Variants in PTPRN2 observed in about 807,000 individuals in gnomAD.
PTPRN2 encodes receptor-type tyrosine-protein phosphatase N2.
In PTPRN2, 74 loss-of-function variants were observed where a neutral mutation model predicts 118.8. The ratio of observed to expected loss-of-function variants is 0.62; its 90% CI spans 0.52 to 0.76. The LOEUF is 0.76. Among genes scored for constraint, PTPRN2 ranks in the 30% least tolerant of loss-of-function variants. The pLI is 0.00. For missense variants in PTPRN2, 1,481 were observed against 1,394.4 expected, an observed-to-expected ratio of 1.06 and a Z score of -0.99; for synonymous variants, 641 against 608.0, an observed-to-expected ratio of 1.05 and a Z score of -0.80.
intron 11 of PTPRN2, among the ~76,000 whole-genome samples, chr7:157,927,628 G>T (rs1585031171): frequency 6.6e-6 from 1 of 151,866 alleles, no homozygotes; most frequent in Admixed American, 6.6e-5. Context: ...CCGAAGACAG[G>T]AAGCCCCAGG....
intron 14 of PTPRN2, among the ~76,000 whole-genome samples, chr7:157,639,547 C>A (rs1804544803): frequency 1.3e-5 from 2 of 152,206 alleles, no homozygotes; most frequent in East Asian, 3.9e-4. Context: ...CAGCCTTTCA[C>A]AGAATTAAGG....
chr7:157,940,746 TGCAAATCTGACACCCTCCCCAC>T, intron 11 of PTPRN2, among the ~76,000 whole-genome samples: 1 of 63,790 alleles, frequency 1.6e-5, no homozygotes, highest in African/African-American at 1.1e-4. Context: ...CCCATGACAC[TGCAAATCTGACACCCTCCCCAC>T]CATGACACTG....
intron 12 of PTPRN2, among the ~76,000 whole-genome samples, chr7:157,714,067 C>T (rs750591786): frequency 2.1e-4 from 32 of 152,318 alleles, no homozygotes; most frequent in Non-Finnish European, 4.1e-4. Context: ...ACGAAGGCAT[C>T]GTCTTCTATA....
chr7:158,454,954 TG>T (rs1012589309), intron 2 of PTPRN2, among the ~76,000 whole-genome samples: 1 of 152,156 alleles, frequency 6.6e-6, no homozygotes, highest in African/African-American at 2.4e-5. Context: ...TTTGTCAGGC[TG>T]CCTCCACGCA....
At position 157,671,959 on chromosome 7, in the gene PTPRN2, G is replaced by A. The variant is rs1796438687; in HGVS notation, c.2001+10766C>T. On this transcript the variant is annotated intron_variant, in intron 13 of 22. Coordinates refer to ENST00000389418, the MANE Select transcript of PTPRN2 (RefSeq NM_002847.5). The surrounding 1 kb of genome is among the most constrained non-coding windows in gnomAD (Gnocchi z 4.1). ...GCTGTACCCCAAGAAGGGGACGGGTGGGGCAGCAGCCCTGGAGGAAAACCC... is the reference window on the plus strand; with the variant it reads ...GCTGTACCCCAAGAAGGGGACGGGTAGGGCAGCAGCCCTGGAGGAAAACCC... 2.0e-5 allele frequency among the ~76,000 whole-genome samples: 3 copies of A among 152,226 alleles called. No individual in the cohort carries two copies. The South Asian group carries it at 6.2e-4, about 32-fold the overall frequency.
At chr7:158,105,616 G>A (rs940664556) in intron 10 of PTPRN2, among the ~76,000 whole-genome samples, 1 of 149,620 alleles carries the variant, frequency 6.7e-6, no homozygotes, top group South Asian at 2.1e-4. Flanking sequence ...ATCCCAAGCT[G>A]AACCAAGCTC....
In PTPRN2 at chr7:157,805,599, G is replaced by A. The variant is rs145698963; in HGVS notation, c.1788+93074C>T. Among the ~76,000 whole-genome samples the A allele has an allele frequency of 4.1e-3, 623 of 152,282 alleles. 3 individuals carry two copies. Among genetic ancestry groups the A allele is most frequent in the African/African-American group, 0.014 (573 of 41,566 alleles). On this transcript the variant is annotated intron_variant, in intron 12 of 22. Coordinates refer to ENST00000389418, the MANE Select transcript of PTPRN2 (RefSeq NM_002847.5). ...TGTTTAAAGTCATTAACGTTGTGTC[G>A]TTATGTCTAGTGTCAGGTTATGGCT...
chr7:158,308,543 AACAT>A (rs1375432907), intron 3 of PTPRN2, among the ~76,000 whole-genome samples: 1 of 152,182 alleles, frequency 6.6e-6, no homozygotes. Flanking sequence ...CATGTTGATA[AACAT>A]ACAATCTATA....
At chr7:158,017,119 G>A (rs955919771) in intron 11 of PTPRN2, among the ~76,000 whole-genome samples, 2 of 152,374 alleles carry the variant, frequency 1.3e-5, no homozygotes, top group Middle Eastern at 3.4e-3. Flanking sequence ...AAAGGGCCCA[G>A]TGGTGCTTCT....
chr7:158,329,148 G>T (rs895053242), intron 2 of PTPRN2, among the ~76,000 whole-genome samples: 1 of 152,230 alleles, frequency 6.6e-6, no homozygotes, highest in Non-Finnish European at 1.5e-5. Flanking sequence ...ACAGCTTGAG[G>T]GTGTGAGCCG....
intron 2 of PTPRN2, among the ~76,000 whole-genome samples, chr7:158,330,574 C>A (rs199573448): frequency 0.095 from 141 of 1,492 alleles, no homozygotes; most frequent in African/African-American, 0.11. Context: ...CACTCTCACC[C>A]TAAGAGGTGA....
chr7:157,727,783 G>A (rs1799682060), intron 12 of PTPRN2, among the ~76,000 whole-genome samples: 1 of 152,226 alleles, frequency 6.6e-6, no homozygotes, highest in Admixed American at 6.5e-5. Flanking sequence ...TGAGCCGTGA[G>A]CAGTGATTGA....
At chr7:158,580,970 C>A (rs2129452299) in intron 1 of PTPRN2, among the ~76,000 whole-genome samples, 1 of 152,318 alleles carries the variant, frequency 6.6e-6, no homozygotes, top group East Asian at 1.9e-4. Flanking sequence ...CAAAACCCAA[C>A]TCAGAAAATC....
intron 2 of PTPRN2, among the ~76,000 whole-genome samples, chr7:158,345,014 T>C (rs977634671): frequency 9.9e-5 from 15 of 152,262 alleles, no homozygotes; most frequent in African/African-American, 3.1e-4. Flanking sequence ...GAAAGTATGG[T>C]GCGGACACCT....
At chr7:158,070,281 G>A (rs1299187855) in intron 11 of PTPRN2, among the ~76,000 whole-genome samples, 4 of 144,174 alleles carry the variant, frequency 2.8e-5, no homozygotes, top group Non-Finnish European at 5.9e-5. Context: ...GCTCATGGTG[G>A]AGGTGCTCGT....
At chr7:158,487,903 A>G (rs566021734) in intron 2 of PTPRN2, among the ~76,000 whole-genome samples, 2 of 152,194 alleles carry the variant, frequency 1.3e-5, no homozygotes, top group Non-Finnish European at 2.9e-5. Context: ...TCTACAAATC[A>G]AGGCCTGAAT....
intron 11 of PTPRN2, among the ~76,000 whole-genome samples, chr7:158,036,492 A>G (rs1435758163): frequency 6.6e-6 from 1 of 152,210 alleles, no homozygotes; most frequent in Non-Finnish European, 1.5e-5. Flanking sequence ...CTAGCACTGA[A>G]AAACAGTAAC....
intron 12 of PTPRN2, among the ~76,000 whole-genome samples, chr7:157,895,554 T>TC (rs111678519): frequency 6.6e-6 from 1 of 152,126 alleles, no homozygotes. Flanking sequence ...TAAATAAAAA[T>TC]TTTTTTCTAA....
intron 6 of PTPRN2, among the ~76,000 whole-genome samples, chr7:158,165,828 C>T (rs1325554603): frequency 1.3e-5 from 2 of 152,210 alleles, no homozygotes; most frequent in Non-Finnish European, 2.9e-5. Flanking sequence ...CGCCTTTCTC[C>T]CCTGGGCCCG....
Sources: allele counts gnomAD v4.1 joint callset (sites outside exome capture counted in the v4.1 genomes callset), GRCh38; gene constraint gnomAD v4.1.1; non-coding constraint Gnocchi (gnomAD v3.1); transcripts MANE v1.5; gene names NCBI Gene and HGNC (gene_info 2026-07-23, HGNC 2026-07-21).